The following ZNF804B variants were observed in gnomAD, a reference collection of about 807,000 sequenced individuals.
ZNF804B encodes the protein zinc finger 804B.
In ZNF804B, 80 loss-of-function variants were observed where a neutral mutation model predicts 101.4. That is an observed-to-expected ratio of 0.79 (90% CI 0.66 to 0.95). ZNF804B has a LOEUF of 0.95. Among genes scored for constraint, ZNF804B ranks in the 40% least tolerant of loss-of-function variants. The pLI is 0.00. For missense variants in ZNF804B, 1,673 were observed against 1,561.9 expected (o/e 1.07, Z -1.20); for synonymous variants, 622 against 558.8 (o/e 1.11, Z -1.59).
chr7:89,296,306 A>G (rs891796377), intron 2 of ZNF804B, among the ~76,000 whole-genome samples: 6 of 152,102 alleles, frequency 3.9e-5, no homozygotes, highest in African/African-American at 1.2e-4. Flanking sequence ...ATCTAGATTT[A>G]TAGATATGTA....
At chr7:89,016,562 C>T (rs1445759933) in intron 1 of ZNF804B, among the ~76,000 whole-genome samples, 2 of 148,694 alleles carry the variant, frequency 1.3e-5, no homozygotes, top group Non-Finnish European at 1.5e-5. Flanking sequence ...ATATGGCTAG[C>T]CAGTTTTGCC....
At chr7:88,949,975 G>A (rs930953225) in intron 1 of ZNF804B, among the ~76,000 whole-genome samples, 7 of 151,810 alleles carry the variant, frequency 4.6e-5, no homozygotes, top group African/African-American at 1.4e-4. Flanking sequence ...CTAACAATGC[G>A]TTTCTCAGAA....
intron 1 of ZNF804B, chr7:88,794,669 A>G (rs1790447500): frequency 6.2e-7 from 1 of 1,613,712 alleles, no homozygotes; most frequent in Non-Finnish European, 8.5e-7. Flanking sequence ...GAAGTGGGAT[A>G]GATGAGCAGC....
intron 1 of ZNF804B, among the ~76,000 whole-genome samples, chr7:89,043,310 G>C (rs535915400): frequency 1.3e-5 from 2 of 152,180 alleles, no homozygotes; most frequent in Admixed American, 6.5e-5. Context: ...ACAAATAGTT[G>C]TAACCTGTAG....
chr7:89,054,818 T>C (rs1375113293), intron 1 of ZNF804B, among the ~76,000 whole-genome samples: 1 of 152,058 alleles, frequency 6.6e-6, no homozygotes, highest in Non-Finnish European at 1.5e-5. Flanking sequence ...CTGGACCTCA[T>C]ACTTTTTCCC....
intron 1 of ZNF804B, among the ~76,000 whole-genome samples, chr7:89,122,400 A>G (rs772880759): frequency 3.9e-5 from 6 of 152,240 alleles, no homozygotes; most frequent in Non-Finnish European, 7.3e-5. Flanking sequence ...ATATCGTCCA[A>G]AGATTTTCTT....
chr7:88,784,570 T>A (rs986865530), intron 1 of ZNF804B, among the ~76,000 whole-genome samples: 1 of 152,158 alleles, frequency 6.6e-6, no homozygotes, highest in Non-Finnish European at 1.5e-5. Flanking sequence ...CCAAAAACTT[T>A]AGAATCCTAA....
At chr7:89,019,446 T>C (rs1264515847) in intron 1 of ZNF804B, among the ~76,000 whole-genome samples, 1 of 152,066 alleles carries the variant, frequency 6.6e-6, no homozygotes, top group Admixed American at 6.6e-5. Flanking sequence ...AAAATAATGT[T>C]TTCTGCAGCT....
At chr7:89,051,016 A>G (rs936284505) in intron 1 of ZNF804B, among the ~76,000 whole-genome samples, 23 of 151,926 alleles carry the variant, frequency 1.5e-4, no homozygotes, top group African/African-American at 4.8e-4. Flanking sequence ...TATGGATATC[A>G]CTCCTGGGCA....
rs571694757 is a variant in ZNF804B, at chr7:89,156,129, C to A, written c.109-62026C>A. 3.1e-4 allele frequency among the ~76,000 whole-genome samples: 46 copies of A among 149,096 alleles called. 4 individuals are homozygous for A. Among genetic ancestry groups the A allele is most frequent in the African/African-American group, 1.1e-3 (46 of 40,314 alleles). On this transcript the variant is annotated intron_variant, in intron 1 of 3. Transcript: ENST00000333190. ...TCTTTCTCTCTTTCCTTCTTTCCTT[C>A]TTTCATGGAGTTTCACTCTTGTTGC...
chr7:89,179,560 G>C (rs975770746), intron 1 of ZNF804B, among the ~76,000 whole-genome samples: 2 of 152,070 alleles, frequency 1.3e-5, no homozygotes, highest in Non-Finnish European at 2.9e-5. Context: ...CTTGAATTTT[G>C]TTTAACTTTC....
At chr7:88,877,060 T>TGAAAAAAAAAATATATATATATATAA (rs1791964185) in intron 1 of ZNF804B, among the ~76,000 whole-genome samples, 1 of 68,270 alleles carries the variant, frequency 1.5e-5, no homozygotes, top group Non-Finnish European at 2.7e-5. Context: ...TTTTTTTTTT[T>TGAAAAAAAAAATATATATATATATAA]TTTTTTTTTT....
intron 1 of ZNF804B, among the ~76,000 whole-genome samples, chr7:89,021,681 G>C (rs940292508): frequency 3.0e-4 from 46 of 152,150 alleles, no homozygotes; most frequent in Admixed American, 2.9e-3. Flanking sequence ...TAGGACAGGA[G>C]TCAGTCAATC....
intron 1 of ZNF804B, among the ~76,000 whole-genome samples, chr7:88,903,420 T>C (rs553506334): frequency 1.3e-5 from 2 of 152,288 alleles, no homozygotes; most frequent in South Asian, 4.1e-4. Flanking sequence ...AATATGCACA[T>C]GCATGTGTCT....
chr7:89,182,358 G>A (rs536747958), intron 1 of ZNF804B, among the ~76,000 whole-genome samples: 1 of 152,248 alleles, frequency 6.6e-6, no homozygotes, highest in South Asian at 2.1e-4. Flanking sequence ...AAAAAGATAT[G>A]TGACAATAGA....
chr7:88,800,501 C>G (rs1438602832), intron 1 of ZNF804B, among the ~76,000 whole-genome samples: 1 of 152,018 alleles, frequency 6.6e-6, no homozygotes, highest in Non-Finnish European at 1.5e-5. Context: ...GATATTTTAT[C>G]TGCACATGAA....
chr7:89,035,870 A>G (rs936988191), intron 1 of ZNF804B, among the ~76,000 whole-genome samples: 4 of 146,324 alleles, frequency 2.7e-5, no homozygotes, highest in Non-Finnish European at 1.5e-5. Context: ...TATATATATT[A>G]TATTATATAT....
At chr7:88,879,285 T>C (rs1433389439) in intron 1 of ZNF804B, among the ~76,000 whole-genome samples, 1 of 152,156 alleles carries the variant, frequency 6.6e-6, no homozygotes, top group Non-Finnish European at 1.5e-5. Context: ...ACAAGGATGA[T>C]ATTGCCACCA....
At chr7:88,840,960 A>G (rs71572431) in intron 1 of ZNF804B, among the ~76,000 whole-genome samples, 2 of 152,204 alleles carry the variant, frequency 1.3e-5, no homozygotes, top group Admixed American at 1.3e-4. Context: ...CTGCTAGGGA[A>G]TATAATATTT....
Sources: allele counts gnomAD v4.1 joint callset (sites outside exome capture counted in the v4.1 genomes callset), GRCh38; gene constraint gnomAD v4.1.1; transcripts MANE v1.5; gene names NCBI Gene and HGNC (gene_info 2026-07-23, HGNC 2026-07-21).